Variants in NRP1 observed in about 807,000 individuals in gnomAD.
NRP1 encodes neuropilin-1.
NRP1 carries 35 observed loss-of-function variants against 106.7 expected under a neutral mutation model. The ratio of observed to expected loss-of-function variants is 0.33; its 90% CI spans 0.25 to 0.43. The LOEUF (loss-of-function observed/expected upper bound fraction) is 0.43, where lower values mean the gene tolerates loss of function less well. Among genes scored for constraint, NRP1 ranks in the 20% least tolerant of loss-of-function variants. The pLI, the probability that NRP1 is intolerant of heterozygous loss-of-function variation, is 1.00. For missense variants in NRP1, 1,024 were observed against 1,170.4 expected (o/e 0.87, Z 1.83); for synonymous variants, 437 against 417.9 (o/e 1.05, Z -0.56).
Position 33,213,537 on chromosome 10 carries a change from T to C in NRP1, c.1463A>G (p.Asp488Gly). ...CCTCACGATCTTCTCCTCCCCCAGG[T>C]CTATTTGGAGCCACTCATTGATGTA... ...HSYINEWLQI[D>G]LGEEKIVRGI... is the part of the protein sequence containing the mutation. Residue 488 changes from aspartate to glycine, a missense_variant, in exon 9 of 17, where the codon GAC becomes GGC. Asp to Gly is a moderately conservative substitution (Grantham distance 94). Around this residue, in one of 5 missense-constraint regions of NRP1, gnomAD observed 562 missense variants for 620.3 expected, o/e 0.91. Coordinates refer to ENST00000374867, the MANE Select transcript of NRP1 (RefSeq NM_003873.7). 1 of 1,613,918 alleles carries C rather than the reference T, an allele frequency of 6.2e-7. No homozygotes were observed. The highest frequency in any genetic ancestry group is 1.1e-5 in the South Asian group (1 of 91,048).
intron 6 of NRP1, among the ~76,000 whole-genome samples, chr10:33,248,877 A>G (rs913094605): frequency 3.9e-5 from 6 of 152,200 alleles, no homozygotes; most frequent in Non-Finnish European, 5.9e-5. Flanking sequence ...CTGCTCCTCC[A>G]GAATAAGTGA....
intron 12 of NRP1, among the ~76,000 whole-genome samples, chr10:33,192,789 TC>T (rs1464677294): frequency 6.6e-6 from 1 of 152,160 alleles, no homozygotes; most frequent in Non-Finnish European, 1.5e-5. Context: ...TGAGGATAAA[TC>T]ATATAAGTTG....
intron 2 of NRP1, among the ~76,000 whole-genome samples, chr10:33,329,740 A>G (rs188500704): frequency 1.8e-3 from 274 of 152,248 alleles, no homozygotes; most frequent in East Asian, 2.9e-3. Flanking sequence ...TTCAGGTTCA[A>G]GTCTCTGGAG....
chr10:33,207,465 C>T, intron 10 of NRP1, 107 bp downstream of exon 10: 1 of 1,262,138 alleles, frequency 7.9e-7, no homozygotes, highest in Non-Finnish European at 1.1e-6. Context: ...TAAGGGGCCT[C>T]CCAAGGGAAA....
At chr10:33,266,476 T>G (rs1461795152) in intron 3 of NRP1, among the ~76,000 whole-genome samples, 1 of 148,012 alleles carries the variant, frequency 6.8e-6, no homozygotes, top group Non-Finnish European at 1.5e-5. Flanking sequence ...CTCTTCCAAT[T>G]TAAAGATTCT....
Position 33,267,885 on chromosome 10 carries a change from C to A in NRP1, c.430+2790G>T, listed in dbSNP as rs181858754. 1.7e-3 allele frequency among the ~76,000 whole-genome samples: 262 copies of A among 152,236 alleles called. 6 individuals are homozygous for A. The highest frequency in any genetic ancestry group is 0.015 in the Admixed American group (234 of 15,294). ...GGGGCTGGCCTTGTTGACTGTCAGG[C>A]AAAGATGACCCTGGAGCAATGCAAC... On this transcript the variant is annotated intron_variant, in intron 3 of 16. Coordinates refer to ENST00000374867, the MANE Select transcript of NRP1 (RefSeq NM_003873.7).
At chr10:33,245,694 CT>C (rs1352909138) in intron 6 of NRP1, among the ~76,000 whole-genome samples, 3 of 152,162 alleles carry the variant, frequency 2.0e-5, no homozygotes, top group Non-Finnish European at 4.4e-5. Context: ...CCTCTGTGGT[CT>C]TTCAAATCAC....
chr10:33,198,929 G>T (rs772429216), intron 11 of NRP1, among the ~76,000 whole-genome samples: 15 of 152,152 alleles, frequency 9.9e-5, no homozygotes, highest in Non-Finnish European at 1.9e-4. Context: ...CACCCTGAGT[G>T]CTGTGAACTT....
intron 6 of NRP1, among the ~76,000 whole-genome samples, chr10:33,245,431 A>G (rs751584298): frequency 5.9e-5 from 9 of 152,208 alleles, no homozygotes; most frequent in Non-Finnish European, 7.3e-5. Flanking sequence ...TCAAAATGTC[A>G]GTATTGCTCA....
intron 2 of NRP1, among the ~76,000 whole-genome samples, chr10:33,322,967 CT>C (rs1276718408): frequency 6.6e-6 from 1 of 152,296 alleles, no homozygotes. Flanking sequence ...TATTTGGGTT[CT>C]GTTCATATGA....
chr10:33,207,348 T>C (rs186200703), intron 10 of NRP1, among the ~76,000 whole-genome samples: 13 of 151,314 alleles, frequency 8.6e-5, no homozygotes, highest in Admixed American at 8.6e-4. Flanking sequence ...TCTCATATAA[T>C]CCGAGGAGAG....
chr10:33,214,720 G>A (rs1380042144), intron 8 of NRP1, among the ~76,000 whole-genome samples: 1 of 152,072 alleles, frequency 6.6e-6, no homozygotes, highest in Non-Finnish European at 1.5e-5. Flanking sequence ...GGACAAATAT[G>A]GTCTGATTCC....
At chr10:33,308,655 T>G (rs2132762480) in intron 2 of NRP1, among the ~76,000 whole-genome samples, 1 of 151,942 alleles carries the variant, frequency 6.6e-6, no homozygotes, top group Admixed American at 6.5e-5. Context: ...TCCAGCTAAT[T>G]TTTTTGTACT....
chr10:33,253,346 C>T (rs1841993160), intron 6 of NRP1, among the ~76,000 whole-genome samples: 1 of 152,044 alleles, frequency 6.6e-6, no homozygotes, highest in Non-Finnish European at 1.5e-5. Flanking sequence ...GACGAGGTGT[C>T]TGTGGGGATA....
At chr10:33,214,697 C>T (rs905541204) in intron 8 of NRP1, among the ~76,000 whole-genome samples, 4 of 151,982 alleles carry the variant, frequency 2.6e-5, no homozygotes, top group African/African-American at 9.7e-5. Flanking sequence ...GTGAAAGAAG[C>T]CCAACAAAAA....
intron 2 of NRP1, among the ~76,000 whole-genome samples, chr10:33,278,638 T>G (rs1843886421): frequency 6.6e-6 from 1 of 152,232 alleles, no homozygotes; most frequent in South Asian, 2.1e-4. Context: ...TCTAAAGGCT[T>G]CTAGGACATT....
At chr10:33,232,600 T>C (rs1840233659) in intron 6 of NRP1, among the ~76,000 whole-genome samples, 2 of 151,260 alleles carry the variant, frequency 1.3e-5, no homozygotes, top group Admixed American at 1.3e-4. Flanking sequence ...TTTATCAAAC[T>C]CCTTTTGAGT....
At position 33,281,302 on chromosome 10, in the gene NRP1, G is replaced by A. The variant is rs566632874; in HGVS notation, c.249-10446C>T. ...TGGCTTCAAGCAATCCACCCATCTCGGCCTCCCAAAGTGCTGAGATTACAG... is the reference window on the plus strand; with the variant it reads ...TGGCTTCAAGCAATCCACCCATCTCAGCCTCCCAAAGTGCTGAGATTACAG... On this transcript the variant is annotated intron_variant, in intron 2 of 16. Coordinates refer to ENST00000374867, the MANE Select transcript of NRP1 (RefSeq NM_003873.7). 7.2e-5 allele frequency among the ~76,000 whole-genome samples: 11 copies of A among 152,136 alleles called. No homozygotes were observed. The South Asian group carries it at 2.3e-3, about 32-fold the overall frequency.
At chr10:33,229,964 G>C (rs115199993) in intron 6 of NRP1, among the ~76,000 whole-genome samples, 2,036 of 152,178 alleles carry the variant, frequency 0.013, 54 homozygotes, top group African/African-American at 0.047. Flanking sequence ...TTCTCCCTAA[G>C]ATTATTGCCA....
Sources: gnomAD v4.1 joint callset for allele counts (sites outside exome capture counted in the v4.1 genomes callset) on GRCh38, gnomAD v4.1.1 for gene constraint, gnomAD v4.1.1 regional missense constraint, MANE v1.5 for transcripts, NCBI Gene and HGNC (gene_info 2026-07-23, HGNC 2026-07-21) for gene names.